Variants in ARMC2 observed in about 807,000 individuals in gnomAD.
ARMC2 encodes armadillo repeat-containing protein 2.
Under a neutral mutation model 90.3 loss-of-function variants are expected in ARMC2, and 67 were observed. The ratio of observed to expected loss-of-function variants is 0.74; its 90% CI spans 0.61 to 0.91. The LOEUF (loss-of-function observed/expected upper bound fraction) is 0.91, where lower values mean the gene tolerates loss of function less well. ARMC2 is among the 40% of genes least tolerant of loss of function. The probability of loss-of-function intolerance (pLI) is 0.00; values close to 1 mark genes in which losing one functional copy is unlikely to be tolerated. For synonymous variants in ARMC2, 393 were observed against 393.0 expected (o/e 1.00, Z 0.00); for missense variants, 920 against 1,030.9 (o/e 0.89, Z 1.47).
rs537099318 is a variant in ARMC2 at position 108,936,381 on chromosome 6, A to G, written c.1497-519A>G. 2.0e-5 allele frequency among the ~76,000 whole-genome samples: 3 copies of G among 152,174 alleles called. No homozygotes were observed. In the South Asian group the frequency reaches 6.2e-4, roughly 32 times the overall value. ...AAGCAGTTCTCCTGCCTGGGCCTCC[A>G]GAGTAGCTGGGATTACAGGCACATG... On this transcript the variant is annotated intron_variant, in intron 11 of 17. Transcript: ENST00000392644.
At chr6:108,967,387 G>A (rs532494996) in intron 17 of ARMC2, among the ~76,000 whole-genome samples, 30 of 152,328 alleles carry the variant, frequency 2.0e-4, no homozygotes, top group Non-Finnish European at 2.8e-4. Context: ...GGGCTGCGGG[G>A]CCGGGGCCGT....
chr6:108,854,456 A>T lies in ARMC2; in HGVS notation c.189A>T (p.Thr63=), dbSNP rs763183714. The stretch of plus-strand genomic sequence containing the variant: ...TATTCGGACCTGCATCCTCAAGAAC[A>T]TCAGAAAATAGACCTCCTTCCTCCT... ...RKLFGPASSR[T]SENRPPSSFS... Residue 63 remains threonine (T), a synonymous_variant, in exon 2 of 18, where the codon ACA becomes ACT. Coordinates refer to ENST00000392644, the MANE Select transcript of ARMC2 (RefSeq NM_032131.6). 1 of 1,613,656 alleles carries T rather than the reference A, an allele frequency of 6.2e-7. No individual in the cohort carries two copies. The highest frequency in any genetic ancestry group is 1.3e-5 in the African/African-American group (1 of 74,892).
At chr6:108,976,359 T>A (rs1778983040), downstream of ARMC2, among the ~76,000 whole-genome samples, 1 of 152,172 alleles carries the variant, frequency 6.6e-6, no homozygotes, top group Non-Finnish European at 1.5e-5. Context: ...GTTCCATTGG[T>A]CTATATCTCT....
In ARMC2 at chr6:108,873,365, C is replaced by T. The variant is rs139917785; in HGVS notation, c.464-2778C>T. 4.2e-3 allele frequency among the ~76,000 whole-genome samples: 636 copies of T among 152,196 alleles called. 3 individuals carry two copies. Among genetic ancestry groups the T allele is most frequent in the African/African-American group, 0.014 (596 of 41,530 alleles). ...GGTGGGGGTGGCGGGGGATGACATC[C>T]CAGCACCTCCAAGTGCACAGCTGTG... On this transcript the variant is annotated intron_variant, in intron 4 of 17. Coordinates refer to ENST00000392644, the MANE Select transcript of ARMC2 (RefSeq NM_032131.6).
chr6:108,886,750 C>T (rs1770389649), intron 5 of ARMC2, among the ~76,000 whole-genome samples: 1 of 151,974 alleles, frequency 6.6e-6, no homozygotes, highest in Non-Finnish European at 1.5e-5. Context: ...TGGATTTTCC[C>T]ACTTGGCCCA....
At chr6:108,977,464 T>G (rs1779004742), downstream of ARMC2, among the ~76,000 whole-genome samples, 1 of 152,174 alleles carries the variant, frequency 6.6e-6, no homozygotes, top group South Asian at 2.1e-4. Context: ...ATTTTCTTTT[T>G]TTGTTGTATC....
chr6:108,961,205 CT>C (rs2128511527), intron 13 of ARMC2, among the ~76,000 whole-genome samples: 1 of 152,202 alleles, frequency 6.6e-6, no homozygotes, highest in South Asian at 2.1e-4. Flanking sequence ...GGAGGAGCCC[CT>C]GGGAGAGCCT....
chr6:108,999,605 G>C, the ARMC2 span, among the ~76,000 whole-genome samples: 4 of 152,122 alleles, frequency 2.6e-5, no homozygotes, highest in Non-Finnish European at 4.4e-5. Context: ...CAGAATGGCT[G>C]AAATCCAAAA....
intron 5 of ARMC2, among the ~76,000 whole-genome samples, chr6:108,887,831 G>T (rs1041652916): frequency 6.6e-6 from 1 of 152,124 alleles, no homozygotes; most frequent in Non-Finnish European, 1.5e-5. Flanking sequence ...AGGAAACTAG[G>T]AAGAACAATT....
chr6:108,910,209 T>C (rs1485853242), intron 8 of ARMC2, among the ~76,000 whole-genome samples: 1 of 152,190 alleles, frequency 6.6e-6, no homozygotes, highest in Non-Finnish European at 1.5e-5. Context: ...CTCACACTTG[T>C]AATCTCAACA....
rs578089885 is a variant in ARMC2 at position 108,891,215 on chromosome 6, T to A, written c.672-3252T>A. On this transcript the variant is annotated intron_variant, in intron 5 of 17. Transcript: ENST00000392644. ...TGAACAGTGCTGCAATATGCATACGTGTGCATGTGTCATTATAGTAGAATG... is the reference window on the plus strand; with the variant it reads ...TGAACAGTGCTGCAATATGCATACGAGTGCATGTGTCATTATAGTAGAATG... Among the ~76,000 whole-genome samples, 3 of 152,362 alleles carry A rather than the reference T, an allele frequency of 2.0e-5. No individual in the cohort carries two copies. The East Asian group carries it at 5.8e-4, about 29-fold the overall frequency.
At chr6:108,849,943 G>A (rs1773834109) in intron 1 of ARMC2, among the ~76,000 whole-genome samples, 1 of 152,194 alleles carries the variant, frequency 6.6e-6, no homozygotes, top group Admixed American at 6.5e-5. Flanking sequence ...ATACAAAAAT[G>A]ATTCAGAGTT....
rs149101164 is a variant in ARMC2, at chr6:108,973,476, C to G, written c.2566C>G (p.His856Asp). Reference protein sequence around the residue: ...QQLLNRIQRHHTFLEPLPIPS... With the variant: ...QQLLNRIQRHDTFLEPLPIPS... ...GCTTCTAAACCGAATTCAGAGACAT[C>G]ACACCTTCCTGGAACCCCTGCCCAT... Residue 856 changes from histidine (H) to aspartate (D), a missense_variant, in exon 18 of 18, where the codon CAC becomes GAC. Transcript: ENST00000392644. 28 of 1,613,564 alleles carry G rather than the reference C, an allele frequency of 1.7e-5. No homozygotes were observed. Among genetic ancestry groups the G allele is most frequent in the Non-Finnish European group, 1.7e-6 (2 of 1,179,710 alleles).
chr6:109,033,310 A>G, the ARMC2 span, among the ~76,000 whole-genome samples: 1 of 152,220 alleles, frequency 6.6e-6, no homozygotes, highest in Non-Finnish European at 1.5e-5. Flanking sequence ...AAGAAGGCAG[A>G]CTGTTAAAAA....
At chr6:108,941,503 G>A (rs780719944) in intron 12 of ARMC2, among the ~76,000 whole-genome samples, 2 of 152,182 alleles carry the variant, frequency 1.3e-5, no homozygotes, top group Non-Finnish European at 2.9e-5. Context: ...CCCAATCAGG[G>A]ATTAATTCCC....
the ARMC2 span, among the ~76,000 whole-genome samples, chr6:109,017,487 A>G: frequency 4.6e-5 from 7 of 152,058 alleles, no homozygotes; most frequent in African/African-American, 1.7e-4. Flanking sequence ...GGGTTTCACC[A>G]TGTTAGCCAG....
intron 12 of ARMC2, among the ~76,000 whole-genome samples, chr6:108,946,267 A>T (rs1275994317): frequency 6.6e-6 from 1 of 152,244 alleles, no homozygotes; most frequent in Middle Eastern, 3.2e-3. Context: ...TCAGAGGCAT[A>T]TCGTGGGTGC....
At chr6:109,046,963 C>A in the ARMC2 span, among the ~76,000 whole-genome samples, 2 of 109,462 alleles carry the variant, frequency 1.8e-5, no homozygotes, top group Non-Finnish European at 3.9e-5. Flanking sequence ...GCGTCTCCAC[C>A]CGGCAGCCAC....
chr6:108,897,892 T>TA (rs1433440746), intron 6 of ARMC2, among the ~76,000 whole-genome samples: 1 of 152,182 alleles, frequency 6.6e-6, no homozygotes, highest in Non-Finnish European at 1.5e-5. Context: ...ATATTAATAT[T>TA]AAAAAATATT....
Sources: allele counts gnomAD v4.1 joint callset (sites outside exome capture counted in the v4.1 genomes callset), GRCh38; gene constraint gnomAD v4.1.1; transcripts MANE v1.5; gene names NCBI Gene and HGNC (gene_info 2026-07-23, HGNC 2026-07-21).